SMARCA4: variants seen among roughly 807,000 people sequenced by gnomAD.
SMARCA4 encodes SWI/SNF related BAF chromatin remodeling complex subunit ATPase 4, also known as SWI/SNF-related matrix-associated actin-dependent regulator of chromatin subfamily A member 4.
In SMARCA4, 31 loss-of-function variants were observed where a neutral mutation model predicts 193.9. The observed-to-expected ratio is 0.16, with a 90% CI of 0.12 to 0.22. SMARCA4 has a LOEUF of 0.22. Ranked by LOEUF, SMARCA4 falls within the 10% of genes least tolerant of loss-of-function variation. The pLI is 1.00. For missense variants in SMARCA4, 1,148 were observed against 2,296.0 expected, an observed-to-expected ratio of 0.50 and a Z score of 10.22; for synonymous variants, 942 against 933.1, an observed-to-expected ratio of 1.01 and a Z score of -0.17.
In SMARCA4 at chr19:11,021,712, C is replaced by T. The variant is rs774918337; in HGVS notation, c.2617-13C>T. On this transcript the variant is annotated splice_polypyrimidine_tract_variant and intron_variant, in intron 18 of 34. Coordinates refer to ENST00000344626, the MANE Select transcript of SMARCA4 (RefSeq NM_003072.5). ...CTGCCCCCTGCCCTGATTGCCCACT[C>T]TGGGGCCCGCAGATCCGTTGGAAGT... The T allele has an allele frequency of 2.5e-6, 4 of 1,602,668 alleles. No individual in the cohort carries two copies. In the Admixed American group the frequency reaches 6.9e-5, roughly 27 times the overall value.
chr19:11,027,527 G>C (rs2090349228), intron 23 of SMARCA4, among the ~76,000 whole-genome samples: 2 of 152,196 alleles, frequency 1.3e-5, no homozygotes. Flanking sequence ...TCATTTTCAT[G>C]AGTGTCTGGG....
rs2145874568 is a variant in SMARCA4 at position 10,991,069 on chromosome 19, T to C, written c.1246-81T>C. ...ACAATGCTCCTTTAGCGGTGAAGCA[T>C]GTGACATCACCATACGTGTTTGTCA... On this transcript the variant is annotated intron_variant, in intron 7 of 34. Transcript: ENST00000344626. The C allele has an allele frequency of 5.0e-6, 8 of 1,588,718 alleles. No homozygotes were observed. The South Asian group carries it at 8.0e-5, about 16-fold the overall frequency.
intron 13 of SMARCA4, 108 bp from the exon 14 acceptor site, chr19:11,007,794 T>A (rs2146184143): frequency 9.3e-7 from 1 of 1,073,948 alleles, no homozygotes; most frequent in Non-Finnish European, 1.4e-6. Flanking sequence ...GTAGAGGGGG[T>A]GAGGGCTGTA....
At chr19:11,055,875 C>G (rs1393254592) in intron 30 of SMARCA4, among the ~76,000 whole-genome samples, 2 of 151,856 alleles carry the variant, frequency 1.3e-5, no homozygotes, top group African/African-American at 2.4e-5. Context: ...ATTACAGGCA[C>G]GAGCCACCAT....
In SMARCA4 at chr19:11,043,019, G is replaced by A. The variant is rs192107518; in HGVS notation, c.4424+1459G>A. Among the ~76,000 whole-genome samples, 136 of 152,158 alleles carry A rather than the reference G, an allele frequency of 8.9e-4. 2 individuals are homozygous for A. Among genetic ancestry groups the A allele is most frequent in the Admixed American group, 5.2e-4 (8 of 15,270 alleles). On this transcript the variant is annotated intron_variant, in intron 30 of 34. Transcript: ENST00000344626. The stretch of plus-strand genomic sequence containing the variant: ...TAAAAAGGTTCTTTTAGCCAGATGC[G>A]GTGGCTCATGCCTGTAATCCCAGCA...
intron 30 of SMARCA4, among the ~76,000 whole-genome samples, chr19:11,054,599 C>T (rs1322365616): frequency 6.6e-6 from 1 of 152,188 alleles, no homozygotes. Flanking sequence ...TCGAGACCAG[C>T]CTGACCAACA....
In SMARCA4 at chr19:11,041,101, G is replaced by T; in HGVS notation, c.4171-206G>T. Reference sequence around the variant, plus strand: ...AAAGACAAGCTTGGGTGGGGTGCCTGCTGGGGGCAGTGCTGGTCTTTCACT... The same window carrying T: ...AAAGACAAGCTTGGGTGGGGTGCCTTCTGGGGGCAGTGCTGGTCTTTCACT... On this transcript the variant is annotated intron_variant, in intron 29 of 34. Coordinates refer to ENST00000344626, the MANE Select transcript of SMARCA4 (RefSeq NM_003072.5). This position sits in a 1 kb window ranked among gnomAD's most constrained non-coding sequence, Gnocchi z 5.6. The T allele has an allele frequency of 1.7e-6, 1 of 578,810 alleles. No homozygotes were observed. Among genetic ancestry groups the T allele is most frequent in the South Asian group, 2.4e-5 (1 of 41,872 alleles). The allele number at this position is 578,810 out of a possible 1,614,324, so 35.9% of individuals were successfully genotyped here.
chr19:11,035,733 GTCTT>G (rs1210409828), intron 29 of SMARCA4, among the ~76,000 whole-genome samples: 1 of 152,244 alleles, frequency 6.6e-6, no homozygotes, highest in African/African-American at 2.4e-5. Context: ...AGCTGCAGAT[GTCTT>G]TGAGTCAGTC....
chr19:11,043,916 C>T (rs1049723042), intron 30 of SMARCA4, among the ~76,000 whole-genome samples: 1 of 152,098 alleles, frequency 6.6e-6, no homozygotes, highest in Admixed American at 6.5e-5. Flanking sequence ...GCAGAGGGTG[C>T]AGTGAGCCAA....
At chr19:11,035,299 T>TG (rs2075204160) in intron 29 of SMARCA4, among the ~76,000 whole-genome samples, 167 bp downstream of exon 29, 2 of 152,220 alleles carry the variant, frequency 1.3e-5, no homozygotes, top group Non-Finnish European at 2.9e-5. Flanking sequence ...GGGCCAGGGA[T>TG]GGTCAGGTCC....
In SMARCA4 at chr19:11,062,102, A is replaced by G. The variant is rs533387176; in HGVS notation, c.*286A>G. 9 of 523,916 alleles carry G rather than the reference A, an allele frequency of 1.7e-5. 1 individual carries two copies. The Admixed American group carries it at 2.5e-4, about 15-fold the overall frequency. 32.5% of individuals were successfully genotyped at this position (523,916 alleles called of 1,614,324 possible). On this transcript the variant is annotated 3_prime_UTR_variant, in exon 35 of 35. Coordinates refer to ENST00000344626, the MANE Select transcript of SMARCA4 (RefSeq NM_003072.5). Reference sequence around the variant, plus strand: ...CCTGTTTTTCTTTTCCGTTGCTGGCAGTACTGTTGCGCCGCAGTTTGGAGT... The same window carrying G: ...CCTGTTTTTCTTTTCCGTTGCTGGCGGTACTGTTGCGCCGCAGTTTGGAGT...
intron 9 of SMARCA4, 92 bp from the exon 10 acceptor site, chr19:10,996,121 G>T: frequency 7.7e-7 from 1 of 1,292,474 alleles, no homozygotes; most frequent in Non-Finnish European, 1.1e-6. Flanking sequence ...AGCTACGCGT[G>T]CCCTCAGTGC....
In SMARCA4 at chr19:10,987,518, G is replaced by T; in HGVS notation, c.860-148G>T. On this transcript the variant is annotated intron_variant, in intron 5 of 34. Coordinates refer to ENST00000344626, the MANE Select transcript of SMARCA4 (RefSeq NM_003072.5). This position sits in a 1 kb window ranked among gnomAD's most constrained non-coding sequence, Gnocchi z 5.3. ...CTGGAGGAGGTTGGAGCCCAAGGCA[G>T]GTGTGAAGGACACCCCTGGGTGAAA... is the stretch of plus-strand genomic sequence containing the variant. The T allele has an allele frequency of 1.2e-6, 1 of 833,244 alleles. No individual in the cohort carries two copies. The highest frequency in any genetic ancestry group is 2.0e-6 in the Non-Finnish European group (1 of 507,098). The allele number at this position is 833,244 out of a possible 1,614,324, so 51.6% of individuals were successfully genotyped here.
chr19:11,019,087 G>A lies in SMARCA4; in HGVS notation c.2505+64G>A, dbSNP rs1166148836. On this transcript the variant is annotated intron_variant, in intron 17 of 34. Coordinates refer to ENST00000344626, the MANE Select transcript of SMARCA4 (RefSeq NM_003072.5). This position sits in a 1 kb window ranked among gnomAD's most constrained non-coding sequence, Gnocchi z 6.1. ...AGGTGCAGGCGGTGGTGGGCAGGAC[G>A]TCCACACATACCTCTGGACAGTGAA... is the stretch of plus-strand genomic sequence containing the variant. 5.8e-6 allele frequency: 7 copies of A among 1,198,410 alleles called. No individual in the cohort carries two copies. The highest frequency in any genetic ancestry group is 1.5e-5 in the African/African-American group (1 of 66,974). The allele number at this position is 1,198,410 out of a possible 1,614,324, so 74.2% of individuals were successfully genotyped here.
chr19:11,030,939 C>T lies in SMARCA4; in HGVS notation c.3546+46C>T. 1.3e-6 allele frequency: 2 copies of T among 1,571,072 alleles called. No homozygotes were observed. Among genetic ancestry groups the T allele is most frequent in the Non-Finnish European group, 1.7e-6 (2 of 1,151,958 alleles). The stretch of plus-strand genomic sequence containing the variant: ...AGGTCGAGGAGAAGGAAGGGGGTGC[C>T]TGCAAAACCTCGAGGAGACGGCCCT... On this transcript the variant is annotated intron_variant, in intron 25 of 34. Coordinates refer to ENST00000344626, the MANE Select transcript of SMARCA4 (RefSeq NM_003072.5). The surrounding 1 kb of genome is among the most constrained non-coding windows in gnomAD (Gnocchi z 5.5).
chr19:11,026,423 C>A (rs2146519906), intron 23 of SMARCA4, 77 bp downstream of exon 23: 2 of 1,078,652 alleles, frequency 1.9e-6, no homozygotes, highest in Non-Finnish European at 2.9e-6. Context: ...GGCTTTATTG[C>A]TGCTGTTATG....
Position 11,031,197 on chromosome 19 carries a change from A to T in SMARCA4, c.3546+304A>T. On this transcript the variant is annotated intron_variant, in intron 25 of 34. Coordinates refer to ENST00000344626, the MANE Select transcript of SMARCA4 (RefSeq NM_003072.5). This position sits in a 1 kb window ranked among gnomAD's most constrained non-coding sequence, Gnocchi z 4.3. Reference sequence around the variant, plus strand: ...TGAGGAGGTGGAAAGTATCCTGATCAATCTGCGCCGTCACTGTGGGGCGGC... The same window carrying T: ...TGAGGAGGTGGAAAGTATCCTGATCTATCTGCGCCGTCACTGTGGGGCGGC... 2.4e-6 allele frequency: 1 copy of T among 419,462 alleles called. No individual in the cohort carries two copies. The highest frequency in any genetic ancestry group is 2.1e-5 in the South Asian group (1 of 46,902). 26.0% of individuals were successfully genotyped at this position (419,462 alleles called of 1,614,324 possible). A position where few individuals can be genotyped will look rare whatever the true frequency, so the allele number is the denominator to read the frequency against.
intron 13 of SMARCA4, among the ~76,000 whole-genome samples, chr19:11,007,532 A>C (rs2088349683): frequency 6.6e-6 from 1 of 150,738 alleles, no homozygotes; most frequent in Admixed American, 6.6e-5. Context: ...TGAGCCCAGG[A>C]GTTTGAGACC....
chr19:11,059,861 G>A lies in SMARCA4; in HGVS notation c.4744G>A (p.Glu1582Lys), dbSNP rs768899897. Residue 1582 changes from glutamate to lysine, a missense_variant, in exon 33 of 35, where the codon GAG becomes AAG. Transcript: ENST00000344626. Reference sequence around the variant, plus strand: ...GGAGAGTGAGGAGGAGGAAGAGGGCGAGGAGGAAGGCTCCGAATCCGAATG... The same window carrying A: ...GGAGAGTGAGGAGGAGGAAGAGGGCAAGGAGGAAGGCTCCGAATCCGAATG... ...GEESEEEEEG[E>K]EEGSESESRS... 8.7e-6 allele frequency: 14 copies of A among 1,613,848 alleles called. No individual in the cohort carries two copies. The highest frequency in any genetic ancestry group is 2.2e-5 in the East Asian group (1 of 44,898).
Sources: allele counts gnomAD v4.1 joint callset (sites outside exome capture counted in the v4.1 genomes callset), GRCh38; gene constraint gnomAD v4.1.1; non-coding constraint Gnocchi (gnomAD v3.1); transcripts MANE v1.5; gene names NCBI Gene and HGNC (gene_info 2026-07-23, HGNC 2026-07-21).